The following SKAP2 variants were observed in gnomAD, a reference collection of about 807,000 sequenced individuals.
SKAP2 encodes the protein src kinase associated phosphoprotein 2.
A neutral mutation model predicts 54.9 loss-of-function variants in SKAP2; 28 were observed. That is an observed-to-expected ratio of 0.51 (90% CI 0.38 to 0.70). The LOEUF is 0.70. Ranked by LOEUF, SKAP2 falls within the 30% of genes least tolerant of loss-of-function variation. The pLI, the probability that SKAP2 is intolerant of heterozygous loss-of-function variation, is 0.00. For missense variants in SKAP2, 356 were observed against 424.1 expected (o/e 0.84, Z 1.41); for synonymous variants, 137 against 134.3 (o/e 1.02, Z -0.14).
At chr7:26,662,865 ATAAGAATTG>A (rs1462485000), downstream of SKAP2, among the ~76,000 whole-genome samples, 3 of 152,116 alleles carry the variant, frequency 2.0e-5, no homozygotes, top group African/African-American at 7.2e-5. Context: ...ATGTAGAGCG[ATAAGAATTG>A]TAACATCTCA....
At chr7:26,757,680 C>A (rs905646196) in intron 4 of SKAP2, among the ~76,000 whole-genome samples, 6 of 152,106 alleles carry the variant, frequency 3.9e-5, no homozygotes, top group African/African-American at 1.4e-4. Context: ...TCCATATGAA[C>A]TTTAAAGTAG....
chr7:26,821,489 T>C (rs1019989859), intron 4 of SKAP2, among the ~76,000 whole-genome samples: 2 of 152,190 alleles, frequency 1.3e-5, no homozygotes, highest in Non-Finnish European at 2.9e-5. Flanking sequence ...ATGTCTCTAT[T>C]CTAAATCTTC....
At position 26,684,843 on chromosome 7, in the gene SKAP2, T is replaced by G; in HGVS notation, c.880A>C (p.Lys294Gln). The G allele has an allele frequency of 6.3e-7, 1 of 1,593,248 alleles. No homozygotes were observed. Among genetic ancestry groups the G allele is most frequent in the Non-Finnish European group, 8.6e-7 (1 of 1,162,000 alleles). Residue 294 changes from lysine to glutamine, a missense_variant, in exon 11 of 13, where the codon AAG becomes CAG. Physicochemically the swap from Lys to Gln is moderately conservative, Grantham distance 53. Transcript: ENST00000345317. ...QDSVHHTSGD[K>Q]STDYANFYQG... is the part of the protein sequence containing the mutation. ...TAAAAATTAGCATAATCAGTGCTCT[T>G]ATCCCCTAGGAAGAAGAAAGAGAAA...
rs58826714 is a variant in SKAP2, at chr7:26,717,509, CAAAAAAAAAAAAAAAAAAAA to C, written c.796+7899_796+7918del. Among the ~76,000 whole-genome samples, 95 of 23,146 alleles carry C rather than the reference CAAAAAAAAAAAAAAAAAAAA, an allele frequency of 4.1e-3. 1 individual carries two copies. Among genetic ancestry groups the C allele is most frequent in the Admixed American group, 0.01 (12 of 1,178 alleles). 15.2% of individuals were successfully genotyped at this position (23,146 alleles called of 152,430 possible). ...TGGGTGACAGAGCAAGACCCCATCT[CAAAAAAAAAAAAAAAAAAAA>C]AAAAAAAAAAAAAGGGCCAGATGCT... is the stretch of plus-strand genomic sequence containing the variant. On this transcript the variant is annotated intron_variant, in intron 9 of 12. Coordinates refer to ENST00000345317, the MANE Select transcript of SKAP2 (RefSeq NM_003930.5).
At chr7:26,811,094 T>A (rs1023786471) in intron 4 of SKAP2, among the ~76,000 whole-genome samples, 11 of 152,332 alleles carry the variant, frequency 7.2e-5, no homozygotes, top group African/African-American at 2.6e-4. Context: ...CATCTCTTAT[T>A]TGTTAGCATC....
intron 4 of SKAP2, among the ~76,000 whole-genome samples, chr7:26,808,741 C>A (rs1420203175): frequency 6.6e-6 from 1 of 152,150 alleles, no homozygotes; most frequent in Admixed American, 6.5e-5. Context: ...TCTCTCTATA[C>A]CTTAATTTCT....
intron 1 of SKAP2, among the ~76,000 whole-genome samples, chr7:26,862,587 A>T (rs939493627): frequency 6.6e-6 from 1 of 152,126 alleles, no homozygotes; most frequent in Non-Finnish European, 1.5e-5. Flanking sequence ...TAAAGAGAGA[A>T]GGCAGAAATA....
intron 2 of SKAP2, 71 bp from the exon 3 acceptor site, chr7:26,854,233 T>A: frequency 4.1e-6 from 4 of 979,978 alleles, no homozygotes; most frequent in Non-Finnish European, 4.5e-6. Context: ...TAACAATAAT[T>A]AAAATCCAAA....
In SKAP2 at chr7:26,709,247, C is replaced by A. The variant is rs531401037; in HGVS notation, c.796+16181G>T. The stretch of plus-strand genomic sequence containing the variant: ...AGTTTCTGAAAGAAAACACAGGCTG[C>A]TAACAGAAGTGAAATGAGGCTATCT... On this transcript the variant is annotated intron_variant, in intron 9 of 12. Transcript: ENST00000345317. Among the ~76,000 whole-genome samples the A allele has an allele frequency of 2.0e-5, 3 of 152,210 alleles. No homozygotes were observed. The South Asian group carries it at 6.2e-4, about 32-fold the overall frequency.
chr7:26,855,904 T>A (rs1268739652), intron 1 of SKAP2, among the ~76,000 whole-genome samples: 1 of 152,128 alleles, frequency 6.6e-6, no homozygotes, highest in African/African-American at 2.4e-5. Flanking sequence ...ATGGAAGGGA[T>A]TTGTGTTTTA....
intron 11 of SKAP2, among the ~76,000 whole-genome samples, chr7:26,674,010 C>T (rs570734332): frequency 6.3e-4 from 96 of 152,182 alleles, no homozygotes; most frequent in Non-Finnish European, 7.8e-4. Context: ...TGTCATTTAT[C>T]GAGTATGTTA....
intron 4 of SKAP2, among the ~76,000 whole-genome samples, chr7:26,828,714 A>G (rs1584414109): frequency 6.8e-6 from 1 of 147,612 alleles, no homozygotes; most frequent in Admixed American, 6.8e-5. Flanking sequence ...TTAGGCAGAC[A>G]TCTTAGACAC....
chr7:26,680,991 C>A (rs114732241), intron 11 of SKAP2, among the ~76,000 whole-genome samples: 1 of 152,216 alleles, frequency 6.6e-6, no homozygotes, highest in East Asian at 1.9e-4. Flanking sequence ...AAATAAATCA[C>A]CCCCAGGTTG....
intron 4 of SKAP2, among the ~76,000 whole-genome samples, chr7:26,832,786 C>A (rs1205111684): frequency 6.6e-6 from 1 of 152,094 alleles, no homozygotes; most frequent in East Asian, 1.9e-4. Flanking sequence ...GCAGAGGACA[C>A]CTAAGCCCAG....
the SKAP2 span, among the ~76,000 whole-genome samples, chr7:26,657,250 CCT>C: frequency 1.4e-4 from 22 of 152,084 alleles, no homozygotes; most frequent in African/African-American, 4.1e-4. Flanking sequence ...TTTTTCTTCC[CCT>C]GTGAGGGGAA....
intron 4 of SKAP2, among the ~76,000 whole-genome samples, chr7:26,827,877 C>A (rs1170479103): frequency 6.6e-6 from 1 of 152,198 alleles, no homozygotes; most frequent in South Asian, 2.1e-4. Flanking sequence ...AGGCCACACA[C>A]TGATAGCAAG....
chr7:26,735,033 C>A (rs1416797490), intron 6 of SKAP2, among the ~76,000 whole-genome samples: 1 of 152,118 alleles, frequency 6.6e-6, no homozygotes, highest in Non-Finnish European at 1.5e-5. Context: ...TCCAAAGATA[C>A]CTTATTTAAA....
At chr7:26,802,441 T>A (rs1319966183) in intron 4 of SKAP2, among the ~76,000 whole-genome samples, 3 of 152,008 alleles carry the variant, frequency 2.0e-5, no homozygotes, top group Admixed American at 1.3e-4. Context: ...CTGGCTAATT[T>A]TATATTTTTA....
In SKAP2 at chr7:26,863,996, G is replaced by A. The variant is rs537825098; in HGVS notation, c.67+367C>T. 3.5e-4 allele frequency among the ~76,000 whole-genome samples: 52 copies of A among 149,810 alleles called. 1 individual carries two copies. The highest frequency in any genetic ancestry group is 2.2e-3 in the Admixed American group (33 of 15,010). On this transcript the variant is annotated intron_variant, in intron 1 of 12. Transcript: ENST00000345317. ...CTGCTCCCTTCTGCTTGCTCACGCA[G>A]CATTCATTATCATTATCATTCTCTC...
Sources: gnomAD v4.1 joint callset for allele counts (sites outside exome capture counted in the v4.1 genomes callset) on GRCh38, gnomAD v4.1.1 for gene constraint, MANE v1.5 for transcripts, NCBI Gene and HGNC (gene_info 2026-07-23, HGNC 2026-07-21) for gene names.